Variants in LIPM observed in about 807,000 individuals in gnomAD.
LIPM encodes the protein lipase member M.
In LIPM, 42 loss-of-function variants were observed where a neutral mutation model predicts 42.4. That is an observed-to-expected ratio of 0.99 (90% confidence interval 0.77 to 1.28). The LOEUF (loss-of-function observed/expected upper bound fraction) is 1.28. LIPM is among the 50% of genes most tolerant of loss of function. LIPM has a pLI of 0.00. For missense variants in LIPM, 524 were observed against 520.1 expected (o/e 1.01, Z -0.07); for synonymous variants, 177 against 173.3 (o/e 1.02, Z -0.17).
At chr10:88,803,598 T>C (rs1843552940) in intron 1 of LIPM, among the ~76,000 whole-genome samples, 1 of 149,540 alleles carries the variant, frequency 6.7e-6, no homozygotes, top group African/African-American at 2.5e-5. Context: ...TGACAGTACA[T>C]CTCTTTAGTT....
chr10:88,815,015 TA>T, intron 4 of LIPM, 72 bp from the exon 5 acceptor site: 1 of 1,403,970 alleles, frequency 7.1e-7, no homozygotes, highest in Non-Finnish European at 9.5e-7. Flanking sequence ...AATATGTATT[TA>T]AAAGCAAAAT....
chr10:88,815,365 T>C lies in LIPM; in HGVS notation c.720T>C (p.Phe240=), dbSNP rs1350226589. 3 of 1,551,582 alleles carry C rather than the reference T, an allele frequency of 1.9e-6. No individual in the cohort carries two copies. The highest frequency in any genetic ancestry group is 2.6e-6 in the Non-Finnish European group (3 of 1,146,942). The change falls in exon 6 of 9, where the codon TTT becomes TTC. Residue 240 remains phenylalanine, a synonymous_variant. Transcript: ENST00000404743. ...LLPDMMIKGL[F]GKKEFLYQTR... The stretch of plus-strand genomic sequence containing the variant: ...ACTTCATATTTTCACAGGGATTGTT[T>C]GGCAAAAAAGAATTTCTGTATCAGA...
intron 6 of LIPM, 89 bp from the exon 7 acceptor site, chr10:88,816,727 T>C (rs1843722070): frequency 1.3e-6 from 1 of 783,498 alleles, no homozygotes. Context: ...TACCATTTCT[T>C]AGTCTGACAC....
intron 1 of LIPM, among the ~76,000 whole-genome samples, chr10:88,803,252 T>C (rs971679292): frequency 6.6e-6 from 1 of 152,192 alleles, no homozygotes; most frequent in African/African-American, 2.4e-5. Flanking sequence ...CTTGGGCAAA[T>C]GACTTAATCT....
chr10:88,809,686 CCA>C (rs1257558707), intron 2 of LIPM, among the ~76,000 whole-genome samples: 6 of 152,260 alleles, frequency 3.9e-5, no homozygotes, highest in Admixed American at 2.6e-4. Flanking sequence ...TTAACTAGGA[CCA>C]GAAAATGCTG....
At chr10:88,820,120 A>G (rs778782394) in intron 8 of LIPM, 112 bp from the exon 9 acceptor site, 7 of 845,822 alleles carry the variant, frequency 8.3e-6, no homozygotes, top group Non-Finnish European at 1.3e-5. Context: ...TCTAACACCC[A>G]TGTACCCTTC....
chr10:88,808,980 G>A (rs1292899883), intron 2 of LIPM, among the ~76,000 whole-genome samples: 2 of 139,532 alleles, frequency 1.4e-5, no homozygotes, highest in Non-Finnish European at 3.0e-5. Flanking sequence ...TTGAGGTGGA[G>A]TTTTGCACTT....
chr10:88,816,757 C>T, intron 6 of LIPM, 59 bp from the exon 7 acceptor site: 1 of 1,129,260 alleles, frequency 8.9e-7, no homozygotes, highest in Admixed American at 2.0e-5. Context: ...TTGGTCTTGA[C>T]AGGGTATACA....
chr10:88,819,454 C>T (rs1843760129), intron 8 of LIPM, among the ~76,000 whole-genome samples: 1 of 152,162 alleles, frequency 6.6e-6, no homozygotes, highest in Admixed American at 6.5e-5. Context: ...AAAGAGAAAC[C>T]AGAGCATCTA....
chr10:88,811,537 A>G (rs368636712), intron 2 of LIPM, among the ~76,000 whole-genome samples: 7 of 152,316 alleles, frequency 4.6e-5, no homozygotes, highest in South Asian at 4.1e-4. Flanking sequence ...AAAATAATAT[A>G]TATGCCTTAA....
chr10:88,814,349 C>T (rs1042578202), intron 3 of LIPM, among the ~76,000 whole-genome samples, 181 bp from the exon 4 acceptor site: 1 of 152,160 alleles, frequency 6.6e-6, no homozygotes, highest in African/African-American at 2.4e-5. Flanking sequence ...CAGCCTGTGA[C>T]TCCAGAGGCA....
chr10:88,819,771 C>A (rs1156882004), intron 8 of LIPM, among the ~76,000 whole-genome samples: 1 of 152,100 alleles, frequency 6.6e-6, no homozygotes, highest in African/African-American at 2.4e-5. Context: ...CAAAGGCTGC[C>A]TGGGATCACA....
chr10:88,816,853 G>T lies in LIPM; in HGVS notation c.896G>T (p.Gly299Val). Residue 299 changes from glycine to valine, a missense_variant, in exon 7 of 9, where the codon GGA becomes GTA. Coordinates refer to ENST00000404743, the MANE Select transcript of LIPM (RefSeq NM_001128215.1). ...GTATATGCTGCCCACACTCTTGCTG[G>T]AACATCTGTGCAAAATATTCTACAC... ...ASVYAAHTLA[G>V]TSVQNILHWS... is the part of the protein sequence containing the mutation. 6.4e-7 allele frequency: 1 copy of T among 1,551,452 alleles called. No individual in the cohort carries two copies. Among genetic ancestry groups the T allele is most frequent in the South Asian group, 1.2e-5 (1 of 84,046 alleles).
intron 3 of LIPM, among the ~76,000 whole-genome samples, chr10:88,813,862 G>A (rs1843684557): frequency 6.6e-6 from 1 of 152,090 alleles, no homozygotes; most frequent in African/African-American, 2.4e-5. Context: ...AGCAAAAGGG[G>A]GAAGAGCCCT....
intron 8 of LIPM, 70 bp downstream of exon 8, chr10:88,817,966 C>G (rs1301974843): frequency 5.1e-6 from 6 of 1,166,404 alleles, no homozygotes; most frequent in Non-Finnish European, 6.3e-6. Context: ...GTTATAATGA[C>G]AGTTTATTCT....
chr10:88,804,032 G>A (rs74965793), intron 1 of LIPM, among the ~76,000 whole-genome samples: 1,770 of 152,312 alleles, frequency 0.012, 31 homozygotes, highest in African/African-American at 0.039. Flanking sequence ...ACTTTAACAT[G>A]TATTTATACC....
chr10:88,814,245 C>T (rs1843689471), intron 3 of LIPM, among the ~76,000 whole-genome samples: 1 of 152,182 alleles, frequency 6.6e-6, no homozygotes, highest in African/African-American at 2.4e-5. Context: ...GAACAGGACA[C>T]TTCCACTAGC....
At position 88,820,225 on chromosome 10, in the gene LIPM, T is replaced by C; in HGVS notation, c.1003-7T>C. 4 of 1,545,680 alleles carry C rather than the reference T, an allele frequency of 2.6e-6. No homozygotes were observed. Among genetic ancestry groups the C allele is most frequent in the South Asian group, 2.4e-5 (2 of 83,568 alleles). Reference sequence around the variant, plus strand: ...ACCTAGAGTTAAGAACTATTCCTTTTCTCTAGCCAACTCCTGTAAGGTACA... The same window carrying C: ...ACCTAGAGTTAAGAACTATTCCTTTCCTCTAGCCAACTCCTGTAAGGTACA... On this transcript the variant is annotated splice_polypyrimidine_tract_variant and splice_region_variant and intron_variant, in intron 8 of 8. Coordinates refer to ENST00000404743, the MANE Select transcript of LIPM (RefSeq NM_001128215.1).
rs558050722 is a variant in LIPM at position 88,817,941 on chromosome 10, A to T, written c.1002+45A>T. ...TCTGCTGAAAATATATACATTGGAA[A>T]TGTATGACAGGGACGTTATAATGAC... is the stretch of plus-strand genomic sequence containing the variant. On this transcript the variant is annotated intron_variant, in intron 8 of 8. Transcript: ENST00000404743. The T allele has an allele frequency of 2.2e-6, 3 of 1,372,374 alleles. No individual in the cohort carries two copies. In the South Asian group the frequency reaches 3.7e-5, roughly 17 times the overall value. 85.0% of individuals were successfully genotyped at this position (1,372,374 alleles called of 1,614,324 possible).
Sources: gnomAD v4.1 joint callset for allele counts (sites outside exome capture counted in the v4.1 genomes callset) on GRCh38, gnomAD v4.1.1 for gene constraint, MANE v1.5 for transcripts, NCBI Gene and HGNC (gene_info 2026-07-23, HGNC 2026-07-21) for gene names.